Variants in C10orf90 observed in about 807,000 individuals in gnomAD.
The protein encoded by C10orf90 is (E2-independent) E3 ubiquitin-conjugating enzyme FATS.
A neutral mutation model predicts 62.5 loss-of-function variants in C10orf90; 56 were observed. The observed-to-expected ratio is 0.90, with a 90% CI of 0.72 to 1.12. The LOEUF (loss-of-function observed/expected upper bound fraction) is 1.12, where lower values mean the gene tolerates loss of function less well. Among genes scored for constraint, C10orf90 ranks in the 50% most tolerant of loss-of-function variants. C10orf90 has a pLI of 0.00. For missense variants in C10orf90, 970 were observed against 880.4 expected, an observed-to-expected ratio of 1.10 and a Z score of -1.29; for synonymous variants, 386 against 340.4, an observed-to-expected ratio of 1.13 and a Z score of -1.47.
intron 7 of C10orf90, 109 bp downstream of exon 7, chr10:126,458,931 C>T (rs962839611): frequency 2.6e-5 from 31 of 1,183,704 alleles, no homozygotes; most frequent in Non-Finnish European, 2.8e-5. Flanking sequence ...ACAGGTTCTG[C>T]GTATGTCAGT....
intron 3 of C10orf90, among the ~76,000 whole-genome samples, chr10:126,507,702 T>C (rs1862838063): frequency 6.6e-6 from 1 of 152,126 alleles, no homozygotes; most frequent in African/African-American, 2.4e-5. Context: ...ACCTGGGAAC[T>C]CATCCAAACT....
chr10:126,447,238 C>T (rs1662628063), intron 7 of C10orf90, among the ~76,000 whole-genome samples: 1 of 151,058 alleles, frequency 6.6e-6, no homozygotes, highest in South Asian at 2.1e-4. Context: ...TACTGAGTAG[C>T]TCAATGGGTT....
chr10:126,447,320 A>G (rs1387021607), intron 7 of C10orf90, among the ~76,000 whole-genome samples: 1 of 152,134 alleles, frequency 6.6e-6, no homozygotes, highest in Non-Finnish European at 1.5e-5. Flanking sequence ...ACATAAATAG[A>G]CAAAAAGTGA....
At chr10:126,558,085 C>T (rs1864819540) in intron 2 of C10orf90, among the ~76,000 whole-genome samples, 1 of 152,256 alleles carries the variant, frequency 6.6e-6, no homozygotes, top group South Asian at 2.1e-4. Context: ...ACCTTTCTTG[C>T]CTATATTGTG....
At chr10:126,594,532 C>A (rs977625191) in intron 2 of C10orf90, among the ~76,000 whole-genome samples, 1 of 151,996 alleles carries the variant, frequency 6.6e-6, no homozygotes, top group Non-Finnish European at 1.5e-5. Context: ...TGAACCAGCC[C>A]GTGAGGCAGC....
chr10:126,593,028 A>G (rs1845012330), intron 2 of C10orf90, among the ~76,000 whole-genome samples: 2 of 152,338 alleles, frequency 1.3e-5, no homozygotes, highest in Non-Finnish European at 2.9e-5. Context: ...TTAAGAAGTC[A>G]GGAAACAACA....
intron 3 of C10orf90, among the ~76,000 whole-genome samples, chr10:126,509,739 T>A (rs1300692588): frequency 6.6e-6 from 1 of 152,180 alleles, no homozygotes; most frequent in African/African-American, 2.4e-5. Context: ...TGGCGGACTC[T>A]TTGCTCTTTA....
chr10:126,569,433 T>C lies in C10orf90; in HGVS notation c.314-55494A>G, dbSNP rs796575532. On this transcript the variant is annotated intron_variant, in intron 2 of 9. Transcript: ENST00000488181. ...AGGTCCAACTCACCCCAACACTTTA[T>C]GCTAAGCAGAGAGAGACCAAGAGAG... is the stretch of plus-strand genomic sequence containing the variant. 5.9e-5 allele frequency among the ~76,000 whole-genome samples: 9 copies of C among 152,278 alleles called. 1 individual carries two copies. The highest frequency in any genetic ancestry group is 1.9e-4 in the African/African-American group (8 of 41,562).
chr10:126,620,667 ACCCTCCTTGG>A (rs1845627089), intron 2 of C10orf90, among the ~76,000 whole-genome samples: 1 of 151,744 alleles, frequency 6.6e-6, no homozygotes, highest in Non-Finnish European at 1.5e-5. Flanking sequence ...AAAATAGAAG[ACCCTCCTTGG>A]AGGGTGGGAG....
rs528794681 is a variant in C10orf90, at chr10:126,430,567, A to G, written c.2189-717T>C. Among the ~76,000 whole-genome samples the G allele has an allele frequency of 2.2e-4, 34 of 152,346 alleles. 1 individual carries two copies. Among genetic ancestry groups the G allele is most frequent in the African/African-American group, 7.9e-4 (33 of 41,590 alleles). On this transcript the variant is annotated intron_variant, in intron 7 of 9. Transcript: ENST00000488181. ...GAAAAGGGACTGTTCCAATAACTCA[A>G]ATTCCCATGAGACACTTGGCCATGT... is the stretch of plus-strand genomic sequence containing the variant.
At chr10:126,637,369 T>C (rs1845972016) in intron 2 of C10orf90, among the ~76,000 whole-genome samples, 1 of 152,148 alleles carries the variant, frequency 6.6e-6, no homozygotes, top group African/African-American at 2.4e-5. Context: ...TAGACTTAGC[T>C]CCTACCTCCC....
chr10:126,426,284 TG>T (rs939314528), intron 8 of C10orf90, among the ~76,000 whole-genome samples, 194 bp from the exon 9 acceptor site: 7 of 152,222 alleles, frequency 4.6e-5, no homozygotes, highest in African/African-American at 1.7e-4. Context: ...TAGCAGGGGA[TG>T]GCACCTTGTC....
chr10:126,560,786 A>G (rs1383676862), intron 2 of C10orf90, among the ~76,000 whole-genome samples: 1 of 152,232 alleles, frequency 6.6e-6, no homozygotes, highest in East Asian at 1.9e-4. Flanking sequence ...TCCCTGGATG[A>G]TATGTCAACC....
At position 126,538,081 on chromosome 10, in the gene C10orf90, G is replaced by A. The variant is rs145211709; in HGVS notation, c.314-24142C>T. ...ACTGGGTAATTTACAAAGGAAAGAG[G>A]TTTAATGGACTCCCAGTTCCACATG... is the stretch of plus-strand genomic sequence containing the variant. On this transcript the variant is annotated intron_variant, in intron 2 of 9. Coordinates refer to ENST00000488181, the MANE Select transcript of C10orf90 (RefSeq NM_001350921.2). Among the ~76,000 whole-genome samples the A allele has an allele frequency of 1.1e-3, 166 of 152,336 alleles. 1 individual carries two copies. The highest frequency in any genetic ancestry group is 3.8e-3 in the African/African-American group (156 of 41,572).
intron 7 of C10orf90, among the ~76,000 whole-genome samples, chr10:126,457,151 G>C (rs1353222941): frequency 6.6e-6 from 1 of 152,042 alleles, no homozygotes; most frequent in Non-Finnish European, 1.5e-5. Flanking sequence ...ATCACACCTG[G>C]CCAATTTTTG....
chr10:126,531,740 C>T (rs1174626274), intron 2 of C10orf90, among the ~76,000 whole-genome samples: 1 of 151,796 alleles, frequency 6.6e-6, no homozygotes. Context: ...TTTCTTGCAC[C>T]CAGAAAATAA....
At chr10:126,508,190 A>AGAGAGAGT (rs1427624756) in intron 3 of C10orf90, among the ~76,000 whole-genome samples, 249 of 149,764 alleles carry the variant, frequency 1.7e-3, no homozygotes, top group African/African-American at 4.7e-3. Flanking sequence ...AGAGAGAGAG[A>AGAGAGAGT]GTGTGTGTGT....
intron 2 of C10orf90, among the ~76,000 whole-genome samples, chr10:126,626,404 G>A (rs970291955): frequency 6.6e-6 from 1 of 152,098 alleles, no homozygotes; most frequent in African/African-American, 2.4e-5. Flanking sequence ...AGGGAAAGAC[G>A]TCGCCTGGCT....
At position 126,504,160 on chromosome 10, in the gene C10orf90, G is replaced by T. The variant is rs755394968; in HGVS notation, c.1331C>A (p.Thr444Asn). The T allele has an allele frequency of 1.2e-6, 2 of 1,614,150 alleles. No homozygotes were observed. Among genetic ancestry groups the T allele is most frequent in the Admixed American group, 1.7e-5 (1 of 60,008 alleles). ...CAAATGCACCCGCCTCAACGATGGG[G>T]TTTCCTTCAAGTGACTTTCTTGTAA... ...PGLQESHLKE[T>N]PSLRRVHLGT... The change falls in exon 4 of 10, where the codon ACC (threonine) becomes AAC (asparagine). Residue 444 changes from threonine to asparagine, a missense_variant. By Grantham distance (65) the Thr-to-Asn change is moderately conservative. Transcript: ENST00000488181. This position sits in a 1 kb window ranked among gnomAD's most constrained non-coding sequence, Gnocchi z 4.1.
Sources: allele counts gnomAD v4.1 joint callset (sites outside exome capture counted in the v4.1 genomes callset), GRCh38; gene constraint gnomAD v4.1.1; non-coding constraint Gnocchi (gnomAD v3.1); transcripts MANE v1.5; gene names NCBI Gene and HGNC (gene_info 2026-07-23, HGNC 2026-07-21).